SFMBT2: variants seen among roughly 807,000 people sequenced by gnomAD.
The protein encoded by SFMBT2 is scm-like with four MBT domains protein 2.
SFMBT2 carries 38 observed loss-of-function variants against 110.1 expected under a neutral mutation model. That is an observed-to-expected ratio of 0.35 (90% CI 0.27 to 0.45). SFMBT2 has a LOEUF of 0.45. SFMBT2 is among the 20% of genes least tolerant of loss of function. The probability of loss-of-function intolerance (pLI) is 1.00; values close to 1 mark genes in which losing one functional copy is unlikely to be tolerated. For missense variants in SFMBT2, 1,011 were observed against 1,094.9 expected, an observed-to-expected ratio of 0.92 and a Z score of 1.08; for synonymous variants, 425 against 425.4, an observed-to-expected ratio of 1.00 and a Z score of 0.01.
At chr10:7,342,745 T>C (rs569756265) in intron 4 of SFMBT2, among the ~76,000 whole-genome samples, 4 of 152,284 alleles carry the variant, frequency 2.6e-5, no homozygotes, top group Admixed American at 1.3e-4. Context: ...CCTAACTCCA[T>C]TATTAAAAAA....
intron 2 of SFMBT2, among the ~76,000 whole-genome samples, chr10:7,377,544 T>G (rs187465582): frequency 6.6e-6 from 1 of 152,184 alleles, no homozygotes; most frequent in Non-Finnish European, 1.5e-5. Context: ...CTTGTTTTCC[T>G]GCAACTAGAC....
In SFMBT2 at chr10:7,171,925, C is replaced by G. The variant is rs1276387283; in HGVS notation, c.2385G>C (p.Lys795Asn). ...TCCCCTCGGGCTTGGTCGGCGGGCA[C>G]TTCTCCCCTTCCTCTGCTGAGGAGG... is the stretch of plus-strand genomic sequence containing the variant. ...PAASSAEEGE[K>N]CPPTKPEGTE... The change falls in exon 19 of 21, where the codon AAG (lysine) becomes AAC (asparagine). Residue 795 changes from lysine to asparagine, a missense_variant. Coordinates refer to ENST00000397167, the MANE Select transcript of SFMBT2 (RefSeq NM_001387889.1). The surrounding 1 kb of genome is among the most constrained non-coding windows in gnomAD (Gnocchi z 4.9). The G allele has an allele frequency of 1.4e-6, 2 of 1,445,428 alleles. No individual in the cohort carries two copies. Among genetic ancestry groups the G allele is most frequent in the Non-Finnish European group, 9.1e-7 (1 of 1,102,710 alleles). 89.5% of individuals were successfully genotyped at this position (1,445,428 alleles called of 1,614,324 possible). A position where few individuals can be genotyped will look rare whatever the true frequency, so the allele number is the denominator to read the frequency against.
At chr10:7,328,185 T>C (rs527446492) in intron 4 of SFMBT2, among the ~76,000 whole-genome samples, 1 of 152,342 alleles carries the variant, frequency 6.6e-6, no homozygotes, top group East Asian at 1.9e-4. Flanking sequence ...TGTAGTAATA[T>C]TGACTGTGGC....
At chr10:7,374,408 G>T (rs563056922) in intron 2 of SFMBT2, among the ~76,000 whole-genome samples, 5 of 152,230 alleles carry the variant, frequency 3.3e-5, no homozygotes, top group African/African-American at 1.2e-4. Context: ...TCAGATCAGG[G>T]GAGACCAGAG....
At chr10:7,265,795 A>C (rs1313629872) in intron 7 of SFMBT2, among the ~76,000 whole-genome samples, 6 of 152,168 alleles carry the variant, frequency 3.9e-5, no homozygotes, top group East Asian at 1.9e-4. Flanking sequence ...TTTTGGACTT[A>C]TATCCCCATG....
chr10:7,248,589 T>A lies in SFMBT2; in HGVS notation c.931A>T (p.Met311Leu). The A allele has an allele frequency of 6.2e-7, 1 of 1,614,152 alleles. No homozygotes were observed. The highest frequency in any genetic ancestry group is 1.7e-5 in the Admixed American group (1 of 60,022). Residue 311 changes from methionine to leucine, a missense_variant, in exon 8 of 21, where the codon ATG becomes TTG. By Grantham distance (15) the Met-to-Leu change is conservative. Coordinates refer to ENST00000397167, the MANE Select transcript of SFMBT2 (RefSeq NM_001387889.1). ...GGAGAGATGTAAAAGGGCTCGCACA[T>A]ATTCACTGTCTCAAGCTTCATCCCA... is the stretch of plus-strand genomic sequence containing the variant. ...TVGMKLETVN[M>L]CEPFYISPAS...
intron 10 of SFMBT2, 123 bp from the exon 11 acceptor site, chr10:7,220,660 T>G (rs1178306120): frequency 1.0e-6 from 1 of 1,004,644 alleles, no homozygotes; most frequent in African/African-American, 1.6e-5. Context: ...GGCTCACGTA[T>G]GTGTTTGTCC....
chr10:7,186,425 TACACAC>T (rs780362808), intron 16 of SFMBT2, among the ~76,000 whole-genome samples: 7 of 109,390 alleles, frequency 6.4e-5, no homozygotes, highest in East Asian at 4.4e-4. Context: ...ATACTATATA[TACACAC>T]ACACACACAC....
intron 11 of SFMBT2, among the ~76,000 whole-genome samples, chr10:7,211,956 G>A (rs1425667007): frequency 6.6e-6 from 1 of 152,120 alleles, no homozygotes; most frequent in Non-Finnish European, 1.5e-5. Context: ...CATACAAGGT[G>A]GGCTCAGACG....
chr10:7,360,140 G>A (rs551726943), intron 4 of SFMBT2, among the ~76,000 whole-genome samples: 1 of 152,180 alleles, frequency 6.6e-6, no homozygotes, highest in South Asian at 2.1e-4. Flanking sequence ...AATGAAATTC[G>A]TGATTCATTC....
Position 7,323,181 on chromosome 10 carries a change from C to T in SFMBT2, c.437-37227G>A, listed in dbSNP as rs118020905. 1.0e-3 allele frequency among the ~76,000 whole-genome samples: 159 copies of T among 152,166 alleles called. 1 individual carries two copies. In the East Asian group the frequency reaches 0.025, roughly 24 times the overall value. ...TATAAAACATAAATGGAGCTGGGCG[C>T]GGTGGTTCACGCCTATAATCCCAGC... is the stretch of plus-strand genomic sequence containing the variant. On this transcript the variant is annotated intron_variant, in intron 4 of 20. Coordinates refer to ENST00000397167, the MANE Select transcript of SFMBT2 (RefSeq NM_001387889.1).
At chr10:7,190,319 T>G (rs939687972) in intron 15 of SFMBT2, among the ~76,000 whole-genome samples, 1 of 152,244 alleles carries the variant, frequency 6.6e-6, no homozygotes, top group African/African-American at 2.4e-5. Flanking sequence ...ACACAGTGTT[T>G]ATCAACAGAC....
At chr10:7,245,869 G>T (rs1356865598) in intron 8 of SFMBT2, among the ~76,000 whole-genome samples, 1 of 152,130 alleles carries the variant, frequency 6.6e-6, no homozygotes, top group Non-Finnish European at 1.5e-5. Context: ...ATGCCACGAA[G>T]AAAAGGCCCA....
rs1332920963 is a variant in SFMBT2 at position 7,176,042 on chromosome 10, C to T, written c.1932G>A (p.Leu644=). 6.2e-7 allele frequency: 1 copy of T among 1,614,150 alleles called. No homozygotes were observed. Among genetic ancestry groups the T allele is most frequent in the South Asian group, 1.1e-5 (1 of 91,078 alleles). Residue 644 remains leucine (L), a synonymous_variant, in exon 17 of 21, where the codon CTG becomes CTA. Coordinates refer to ENST00000397167, the MANE Select transcript of SFMBT2 (RefSeq NM_001387889.1). ...AGTTCTCTGGGCAGTTTTCAGATAT[C>T]AGCACAGGACTAAACAAATTTGGAC... ...ECCPNLFSPV[L]ISENCPENCS...
At chr10:7,299,152 A>C (rs1224782776) in intron 4 of SFMBT2, among the ~76,000 whole-genome samples, 3 of 152,212 alleles carry the variant, frequency 2.0e-5, no homozygotes, top group Admixed American at 1.3e-4. Context: ...AACCTAGGCA[A>C]TACTATTCAA....
chr10:7,321,496 C>T (rs535933242), intron 4 of SFMBT2, among the ~76,000 whole-genome samples: 34 of 152,132 alleles, frequency 2.2e-4, no homozygotes, highest in African/African-American at 4.6e-4. Context: ...CCACCGTGCC[C>T]GGCATTTATG....
intron 7 of SFMBT2, among the ~76,000 whole-genome samples, chr10:7,262,388 A>T (rs1410128812): frequency 1.3e-5 from 2 of 152,232 alleles, no homozygotes; most frequent in African/African-American, 4.8e-5. Flanking sequence ...AAAAATAAAA[A>T]ATCAGGCACA....
chr10:7,228,072 A>G (rs781446316), intron 9 of SFMBT2, 135 bp from the exon 10 acceptor site: 1 of 610,912 alleles, frequency 1.6e-6, no homozygotes, highest in Admixed American at 3.9e-5. Flanking sequence ...TTCAGATTTC[A>G]TAAGCTCAGA....
intron 11 of SFMBT2, chr10:7,215,620 C>G (rs1483652061): frequency 1.0e-6 from 1 of 985,252 alleles, no homozygotes; most frequent in Non-Finnish European, 1.2e-6. Context: ...CTGCATGGCT[C>G]ACATCCATGG....
Sources: allele counts gnomAD v4.1 joint callset (sites outside exome capture counted in the v4.1 genomes callset), GRCh38; gene constraint gnomAD v4.1.1; non-coding constraint Gnocchi (gnomAD v3.1); transcripts MANE v1.5; gene names NCBI Gene and HGNC (gene_info 2026-07-23, HGNC 2026-07-21).